FAM81A: variants seen among roughly 807,000 people sequenced by gnomAD.
FAM81A encodes the protein family with sequence similarity 81 member A.
FAM81A carries 19 observed loss-of-function variants against 46.7 expected under a neutral mutation model. The observed-to-expected ratio is 0.41, with a 90% confidence interval of 0.28 to 0.60. The LOEUF is 0.60. Ranked by LOEUF, FAM81A falls within the 20% of genes least tolerant of loss-of-function variation. The pLI is 0.34. For missense variants in FAM81A, 377 were observed against 453.5 expected, an observed-to-expected ratio of 0.83 and a Z score of 1.53; for synonymous variants, 183 against 152.9, an observed-to-expected ratio of 1.20 and a Z score of -1.45.
At chr15:59,402,180 C>A (rs111782259) in intron 1 of FAM81A, 1 of 218,034 alleles carries the variant, frequency 4.6e-6, no homozygotes, top group Non-Finnish European at 8.9e-6. Context: ...TTCTATCCCA[C>A]GTGTTACTGA....
intron 3 of FAM81A, among the ~76,000 whole-genome samples, chr15:59,472,390 G>A (rs1407711703): frequency 2.8e-4 from 43 of 152,108 alleles, no homozygotes; most frequent in Admixed American, 2.6e-3. Flanking sequence ...ACCTGAGCAG[G>A]CTAATTCAAA....
At chr15:59,503,418 G>C (rs1400971982) in intron 4 of FAM81A, among the ~76,000 whole-genome samples, 1 of 151,818 alleles carries the variant, frequency 6.6e-6, no homozygotes, top group African/African-American at 2.4e-5. Context: ...TTTACAGTGT[G>C]ATTTTAACTT....
chr15:59,413,670 C>T (rs1263454444), intron 2 of FAM81A, among the ~76,000 whole-genome samples: 3 of 152,122 alleles, frequency 2.0e-5, no homozygotes, highest in African/African-American at 7.2e-5. Context: ...CCTGTAATCC[C>T]AGCACTTTGC....
intron 2 of FAM81A, among the ~76,000 whole-genome samples, chr15:59,428,911 G>A (rs62013060): frequency 0.19 from 28,553 of 152,030 alleles, 3,033 homozygotes; most frequent in South Asian, 0.28. Flanking sequence ...GATTACAGGC[G>A]TGAGCCACCA....
chr15:59,473,695 A>G (rs1320730499), intron 3 of FAM81A, among the ~76,000 whole-genome samples: 1 of 152,162 alleles, frequency 6.6e-6, no homozygotes, highest in African/African-American at 2.4e-5. Flanking sequence ...GTAAAAGCAC[A>G]GTATAACTCT....
intron 3 of FAM81A, among the ~76,000 whole-genome samples, chr15:59,484,885 C>G (rs909901476): frequency 6.6e-6 from 1 of 152,110 alleles, no homozygotes; most frequent in Non-Finnish European, 1.5e-5. Context: ...GGGCTAAAGG[C>G]GGGCCCGCTG....
intron 8 of FAM81A, 52 bp downstream of exon 8, chr15:59,516,892 A>G (rs1457019534): frequency 4.1e-6 from 6 of 1,479,972 alleles, no homozygotes; most frequent in Non-Finnish European, 5.4e-6. Context: ...TTGTTCTAAA[A>G]CCTATTAATT....
intron 1 of FAM81A, chr15:59,402,108 G>A: frequency 4.8e-6 from 2 of 414,364 alleles, no homozygotes; most frequent in Non-Finnish European, 8.6e-6. Context: ...GGCCTGACAG[G>A]AGAGTGATTT....
intron 3 of FAM81A, among the ~76,000 whole-genome samples, chr15:59,482,088 AAT>A (rs2081860159): frequency 6.6e-6 from 1 of 152,072 alleles, no homozygotes; most frequent in Non-Finnish European, 1.5e-5. Flanking sequence ...GGTATGCTAT[AAT>A]AGTATGATTT....
At chr15:59,453,528 G>C (rs1293898132) in intron 1 of FAM81A, among the ~76,000 whole-genome samples, 1 of 152,112 alleles carries the variant, frequency 6.6e-6, no homozygotes, top group Admixed American at 6.5e-5. Flanking sequence ...TACAGCTAGT[G>C]GGGAAGCCAG....
chr15:59,483,756 C>T (rs1032283195), intron 3 of FAM81A, among the ~76,000 whole-genome samples: 1 of 152,180 alleles, frequency 6.6e-6, no homozygotes, highest in African/African-American at 2.4e-5. Flanking sequence ...AATCCAGGTG[C>T]TACCTTCCTG....
intron 3 of FAM81A, among the ~76,000 whole-genome samples, chr15:59,487,318 GA>G (rs1194681219): frequency 1.3e-5 from 2 of 149,086 alleles, no homozygotes; most frequent in African/African-American, 4.9e-5. Context: ...CAAAAAAGAA[GA>G]AACCTTCAAA....
rs764229718 is a variant in FAM81A at position 59,492,388 on chromosome 15, A to C, written c.412A>C (p.Arg138=). Reference sequence around the variant, plus strand: ...GGGAGATCTTCGAGGAAGAGTGGCAAGGTAGGTGTTCAAATGTTGGGGTCT... The same window carrying C: ...GGGAGATCTTCGAGGAAGAGTGGCACGGTAGGTGTTCAAATGTTGGGGTCT... ...GLGDLRGRVA[R]CDASIARLSA... is the part of the protein sequence containing the mutation. Residue 138 remains arginine (R), a splice_region_variant and synonymous_variant, in exon 4 of 9, where the codon AGA becomes CGA. Transcript: ENST00000288228. 36 of 1,611,702 alleles carry C rather than the reference A, an allele frequency of 2.2e-5. No homozygotes were observed. The highest frequency in any genetic ancestry group is 2.2e-5 in the Non-Finnish European group (26 of 1,178,740).
rs546301005 is a variant in FAM81A at position 59,414,619 on chromosome 15, C to T, written c.-78+12261C>T. On this transcript the variant is annotated intron_variant, in intron 2 of 4. Coordinates refer to the FAM81A transcript ENST00000558348. ...AGTTAATCTTCCCTAGCTGATGAAACTCCTGAGGAGGGGACTGGTGACAAC... is the reference window on the plus strand; with the variant it reads ...AGTTAATCTTCCCTAGCTGATGAAATTCCTGAGGAGGGGACTGGTGACAAC... Among the ~76,000 whole-genome samples, 15 of 152,236 alleles carry T rather than the reference C, an allele frequency of 9.9e-5. No homozygotes were observed. The East Asian group carries it at 2.9e-3, about 29-fold the overall frequency.
intron 1 of FAM81A, chr15:59,401,861 C>T (rs1304928387): frequency 4.0e-6 from 3 of 758,224 alleles, no homozygotes; most frequent in Admixed American, 1.8e-5. Context: ...TATGGTAAGG[C>T]TTAGCCTTGA....
chr15:59,506,154 G>A (rs2082146773), intron 4 of FAM81A, among the ~76,000 whole-genome samples: 1 of 151,870 alleles, frequency 6.6e-6, no homozygotes, highest in Non-Finnish European at 1.5e-5. Context: ...TTTTTTGTTT[G>A]TTTGTTTTGT....
intron 3 of FAM81A, among the ~76,000 whole-genome samples, chr15:59,469,287 T>G (rs2081654719): frequency 6.6e-6 from 1 of 152,208 alleles, no homozygotes; most frequent in Admixed American, 6.5e-5. Context: ...GTCTCACTGA[T>G]CTGTCTAATA....
At chr15:59,510,946 A>T (rs2082201788) in intron 6 of FAM81A, among the ~76,000 whole-genome samples, 1 of 152,016 alleles carries the variant, frequency 6.6e-6, no homozygotes. Flanking sequence ...TCAGGAATTC[A>T]AGACCAGCCT....
intron 2 of FAM81A, among the ~76,000 whole-genome samples, chr15:59,425,811 A>G (rs2081192266): frequency 6.6e-6 from 1 of 152,064 alleles, no homozygotes; most frequent in Non-Finnish European, 1.5e-5. Context: ...TTTTGTAGAG[A>G]TGGGGGTCTC....
Sources: gnomAD v4.1 joint callset for allele counts (sites outside exome capture counted in the v4.1 genomes callset) on GRCh38, gnomAD v4.1.1 for gene constraint, MANE v1.5 for transcripts, NCBI Gene and HGNC (gene_info 2026-07-23, HGNC 2026-07-21) for gene names.